The following NXPE4 variants were observed in gnomAD, a reference collection of about 807,000 sequenced individuals.
NXPE4 encodes neurexophilin and PC-esterase domain family member 4, also known as NXPE family member 4.
A neutral mutation model predicts 33.3 loss-of-function variants in NXPE4; 42 were observed. The observed-to-expected ratio is 1.26, with a 90% CI of 0.98 to 1.63. The LOEUF (loss-of-function observed/expected upper bound fraction) is 1.63. Among genes scored for constraint, NXPE4 ranks in the 40% most tolerant of loss-of-function variants. NXPE4 has a pLI of 0.00. For synonymous variants in NXPE4, 253 were observed against 234.9 expected (o/e 1.08, Z -0.71); for missense variants, 709 against 647.6 (o/e 1.09, Z -1.03).
rs1949538356 is a variant in NXPE4 at position 114,594,664 on chromosome 11, C to T, written c.96G>A (p.Lys32=). The T allele has an allele frequency of 6.3e-7, 1 of 1,583,462 alleles. No individual in the cohort carries two copies. The highest frequency in any genetic ancestry group is 1.7e-5 in the Admixed American group (1 of 58,268). ...ACCACATAAATAAAGCATTTCCTACCTTTGTGGAGTTCTGGAAAACTGTAA... is the reference window on the plus strand; with the variant it reads ...ACCACATAAATAAAGCATTTCCTACTTTTGTGGAGTTCTGGAAAACTGTAA... The part of the protein sequence containing the change: ...IIFTVFQNST[K]VWSALNLSIS... The change falls in exon 2 of 6, where the codon AAG becomes AAA. Residue 32 remains lysine (K), a splice_region_variant and synonymous_variant. Transcript: ENST00000375478.
At chr11:114,609,941 C>CTA in the NXPE4 span, among the ~76,000 whole-genome samples, 6 of 151,896 alleles carry the variant, frequency 4.0e-5, no homozygotes, top group South Asian at 1.2e-3. Flanking sequence ...AGTGTTGCCT[C>CTA]GTGGGTAACC....
the NXPE4 span, among the ~76,000 whole-genome samples, chr11:114,627,878 T>C: frequency 4.6e-5 from 7 of 151,460 alleles, no homozygotes; most frequent in African/African-American, 1.2e-4. Flanking sequence ...TCCTAGTCTC[T>C]GATAAAACAG....
the NXPE4 span, among the ~76,000 whole-genome samples, chr11:114,653,771 G>A: frequency 1.6e-4 from 25 of 151,900 alleles, no homozygotes; most frequent in Non-Finnish European, 2.5e-4. Flanking sequence ...CTCGTGATCT[G>A]CCCATCTCGG....
At chr11:114,602,798 CAT>C in the NXPE4 span, among the ~76,000 whole-genome samples, 23 of 140,438 alleles carry the variant, frequency 1.6e-4, no homozygotes, top group East Asian at 4.2e-4. Flanking sequence ...ATAATTATCT[CAT>C]ATAATTACAG....
chr11:114,601,916 A>ATATATTATATTATATTTATATATAT, the NXPE4 span, among the ~76,000 whole-genome samples: 4 of 32,842 alleles, frequency 1.2e-4, no homozygotes, highest in Non-Finnish European at 2.0e-4. Flanking sequence ...TTATATAATT[A>ATATATTATATTATATTTATATATAT]TATATAATAT....
At chr11:114,647,373 A>G in the NXPE4 span, among the ~76,000 whole-genome samples, 4 of 152,190 alleles carry the variant, frequency 2.6e-5, no homozygotes, top group Non-Finnish European at 5.9e-5. Flanking sequence ...AACAACTTAT[A>G]TAAGATAGAA....
At chr11:114,615,636 T>C in the NXPE4 span, among the ~76,000 whole-genome samples, 3 of 151,608 alleles carry the variant, frequency 2.0e-5, no homozygotes, top group Non-Finnish European at 4.4e-5. Flanking sequence ...GGATAATAAG[T>C]GTTGCCTCTA....
At chr11:114,650,605 A>T in the NXPE4 span, among the ~76,000 whole-genome samples, 1 of 152,162 alleles carries the variant, frequency 6.6e-6, no homozygotes, top group Non-Finnish European at 1.5e-5. Flanking sequence ...GAGGAGGTGG[A>T]AGAATAAGAC....
chr11:114,623,536 T>C, the NXPE4 span, among the ~76,000 whole-genome samples: 1 of 152,156 alleles, frequency 6.6e-6, no homozygotes, highest in Non-Finnish European at 1.5e-5. Flanking sequence ...ATAAACACTG[T>C]TACCTGGCAG....
chr11:114,612,764 G>A, the NXPE4 span, among the ~76,000 whole-genome samples: 11 of 151,334 alleles, frequency 7.3e-5, no homozygotes, highest in Admixed American at 1.3e-4. Context: ...GTGTTGCCTC[G>A]TGGGTAACCA....
chr11:114,630,292 C>T, the NXPE4 span, among the ~76,000 whole-genome samples: 1 of 151,752 alleles, frequency 6.6e-6, no homozygotes, highest in Non-Finnish European at 1.5e-5. Context: ...GCTACAGTAA[C>T]CAAAACAGCA....
chr11:114,646,262 ATTCTAC>A, the NXPE4 span, among the ~76,000 whole-genome samples: 1 of 151,884 alleles, frequency 6.6e-6, no homozygotes, highest in Non-Finnish European at 1.5e-5. Flanking sequence ...TGAGGGCTCT[ATTCTAC>A]TTCTAGTTTT....
the NXPE4 span, among the ~76,000 whole-genome samples, chr11:114,617,161 C>G: frequency 6.6e-6 from 1 of 151,812 alleles, no homozygotes; most frequent in African/African-American, 2.4e-5. Context: ...TGTGGGTAAC[C>G]ATTGTTACCC....
the NXPE4 span, among the ~76,000 whole-genome samples, chr11:114,633,240 TATA>T: frequency 5.1e-4 from 69 of 134,628 alleles, no homozygotes; most frequent in African/African-American, 1.8e-3. Context: ...ATATGTAACA[TATA>T]ATATATAATA....
the NXPE4 span, among the ~76,000 whole-genome samples, chr11:114,620,790 A>G: frequency 6.6e-6 from 1 of 151,944 alleles, no homozygotes; most frequent in Non-Finnish European, 1.5e-5. Flanking sequence ...CTGGTGGATA[A>G]TAAGTGTTGC....
At chr11:114,575,380 T>C (rs1166006921) in intron 5 of NXPE4, among the ~76,000 whole-genome samples, 1 of 152,024 alleles carries the variant, frequency 6.6e-6, no homozygotes, top group African/African-American at 2.4e-5. Context: ...GACATCCGAA[T>C]TGGTAAAGAG....
At chr11:114,611,557 A>T in the NXPE4 span, among the ~76,000 whole-genome samples, 1 of 151,750 alleles carries the variant, frequency 6.6e-6, no homozygotes, top group Non-Finnish European at 1.5e-5. Flanking sequence ...CCTCTTGGGT[A>T]ACCAGTATTA....
chr11:114,598,130 G>C (rs1949599011), upstream of NXPE4, among the ~76,000 whole-genome samples: 1 of 152,160 alleles, frequency 6.6e-6, no homozygotes. Flanking sequence ...TTGGCAGAAA[G>C]AAAGCAGCTA....
the NXPE4 span, among the ~76,000 whole-genome samples, chr11:114,618,202 AT>A: frequency 1.3e-5 from 2 of 151,262 alleles, no homozygotes; most frequent in African/African-American, 4.9e-5. Flanking sequence ...GTATTGCCTC[AT>A]TGGTCACCAC....
Sources: gnomAD v4.1 joint callset for allele counts (sites outside exome capture counted in the v4.1 genomes callset) on GRCh38, gnomAD v4.1.1 for gene constraint, MANE v1.5 for transcripts, NCBI Gene and HGNC (gene_info 2026-07-23, HGNC 2026-07-21) for gene names.